KIF26B: variants seen among roughly 807,000 people sequenced by gnomAD.
KIF26B encodes kinesin family member 26B.
Under a neutral mutation model 151.2 loss-of-function variants are expected in KIF26B, and 63 were observed. The ratio of observed to expected loss-of-function variants is 0.42; its 90% confidence interval spans 0.34 to 0.51. The LOEUF (loss-of-function observed/expected upper bound fraction) is 0.51, where lower values mean the gene tolerates loss of function less well. Ranked by LOEUF, KIF26B falls within the 20% of genes least tolerant of loss-of-function variation. The pLI is 0.07. For missense variants in KIF26B, 2,813 were observed against 2,913.6 expected (o/e 0.97, Z 0.79); for synonymous variants, 1,357 against 1,262.1 (o/e 1.08, Z -1.59).
intron 9 of KIF26B, among the ~76,000 whole-genome samples, chr1:245,620,901 A>G (rs1191266785): frequency 1.3e-5 from 2 of 152,304 alleles, no homozygotes; most frequent in South Asian, 4.2e-4. Context: ...TTTTTGGAGC[A>G]AAAGTGCACA....
chr1:245,695,261 C>A (rs1316285489), intron 12 of KIF26B, among the ~76,000 whole-genome samples: 1 of 152,170 alleles, frequency 6.6e-6, no homozygotes, highest in Non-Finnish European at 1.5e-5. Flanking sequence ...AACATCGCTT[C>A]CTGTGCCCTT....
Position 245,429,446 on chromosome 1 carries a change from A to C in KIF26B, c.1166+9701A>C, listed in dbSNP as rs577049799. Among the ~76,000 whole-genome samples, 4 of 152,304 alleles carry C rather than the reference A, an allele frequency of 2.6e-5. No individual in the cohort carries two copies. The South Asian group carries it at 6.2e-4, about 24-fold the overall frequency. ...CCACCTACAGAAGGAGCTGAAGAGC[A>C]ATTCGCCCTTAAATCTCACCTGTTA... On this transcript the variant is annotated intron_variant, in intron 4 of 14. Coordinates refer to ENST00000407071, the MANE Select transcript of KIF26B (RefSeq NM_018012.4).
At chr1:245,328,952 T>C (rs755449079) in intron 2 of KIF26B, among the ~76,000 whole-genome samples, 3 of 152,232 alleles carry the variant, frequency 2.0e-5, no homozygotes, top group Non-Finnish European at 4.4e-5. Flanking sequence ...TTCTTATTAG[T>C]ATATTATAAT....
In KIF26B at chr1:245,435,740, G is replaced by A. The variant is rs145163114; in HGVS notation, c.1166+15995G>A. On this transcript the variant is annotated intron_variant, in intron 4 of 14. Coordinates refer to ENST00000407071, the MANE Select transcript of KIF26B (RefSeq NM_018012.4). ...GTTCCAGTGCACTGTGGAAGTCTCT[G>A]CTCAGGACAGGAGGGATAGCAAGTG... is the stretch of plus-strand genomic sequence containing the variant. Among the ~76,000 whole-genome samples the A allele has an allele frequency of 4.6e-3, 704 of 152,308 alleles. 5 individuals are homozygous for A. Among genetic ancestry groups the A allele is most frequent in the South Asian group, 0.017 (83 of 4,826 alleles).
Position 245,540,824 on chromosome 1 carries a change from T to C in KIF26B, c.1224T>C (p.Ser408=), listed in dbSNP as rs368251584. 26 of 1,613,900 alleles carry C rather than the reference T, an allele frequency of 1.6e-5. No homozygotes were observed. The highest frequency in any genetic ancestry group is 2.1e-5 in the Non-Finnish European group (25 of 1,179,898). Residue 408 remains serine (S), a synonymous_variant, in exon 5 of 15, where the codon TCT becomes TCC. Coordinates refer to ENST00000407071, the MANE Select transcript of KIF26B (RefSeq NM_018012.4). The surrounding 1 kb of genome is among the most constrained non-coding windows in gnomAD (Gnocchi z 4.6). ...AGAAGAAACATCGGCCTTCCACTTC[T>C]TCCGCTGCCGAACCACCGCTCTTTG... ...SKKKKHRPST[S]SAAEPPLFAT...
At chr1:245,351,442 A>C (rs1672567448) in intron 2 of KIF26B, among the ~76,000 whole-genome samples, 1 of 152,054 alleles carries the variant, frequency 6.6e-6, no homozygotes, top group African/African-American at 2.4e-5. Flanking sequence ...AAACTCAGCT[A>C]TGCCTTTTCC....
intron 2 of KIF26B, among the ~76,000 whole-genome samples, chr1:245,305,291 A>G (rs12409508): frequency 0.017 from 2,612 of 152,342 alleles, 275 homozygotes; most frequent in Admixed American, 0.16. Flanking sequence ...GGTACCATCC[A>G]GAAAATGACA....
intron 12 of KIF26B, among the ~76,000 whole-genome samples, chr1:245,694,225 G>A (rs1049836668): frequency 2.0e-5 from 3 of 152,210 alleles, no homozygotes; most frequent in African/African-American, 4.8e-5. Flanking sequence ...AGCCAGCATC[G>A]TTCTTCATCA....
In KIF26B at chr1:245,373,100, T is replaced by G. The variant is rs554983827; in HGVS notation, c.999+5733T>G. ...CTTCTTTTGTTCAGAGTTTTCTAAA[T>G]CCTAGTTTGATCTCTTTTGCTAAAT... On this transcript the variant is annotated intron_variant, in intron 3 of 14. Coordinates refer to ENST00000407071, the MANE Select transcript of KIF26B (RefSeq NM_018012.4). 2.0e-5 allele frequency among the ~76,000 whole-genome samples: 3 copies of G among 152,350 alleles called. No individual in the cohort carries two copies. In the South Asian group the frequency reaches 6.2e-4, roughly 32 times the overall value.
chr1:245,607,531 A>G (rs1249016163), intron 6 of KIF26B, 120 bp from the exon 7 acceptor site: 1 of 750,250 alleles, frequency 1.3e-6, no homozygotes. Context: ...AGGCCAACCC[A>G]CCTGGGAACA....
intron 10 of KIF26B, among the ~76,000 whole-genome samples, chr1:245,679,133 C>T (rs968523517): frequency 1.3e-5 from 2 of 152,018 alleles, no homozygotes; most frequent in African/African-American, 2.4e-5. Flanking sequence ...GCTTTGTGGG[C>T]GACACAGGCT....
intron 8 of KIF26B, among the ~76,000 whole-genome samples, chr1:245,610,237 G>A (rs2043504848): frequency 6.6e-6 from 1 of 152,142 alleles, no homozygotes; most frequent in African/African-American, 2.4e-5. Context: ...CTTCCCAACT[G>A]GGATTGTTTG....
chr1:245,348,845 C>G (rs917893454), intron 2 of KIF26B, among the ~76,000 whole-genome samples: 1 of 152,206 alleles, frequency 6.6e-6, no homozygotes, highest in Non-Finnish European at 1.5e-5. Context: ...GCCTGCTCCC[C>G]TGCCTGGGTC....
chr1:245,535,106 A>G (rs1661461921), intron 4 of KIF26B, among the ~76,000 whole-genome samples: 1 of 152,056 alleles, frequency 6.6e-6, no homozygotes, highest in Non-Finnish European at 1.5e-5. Context: ...CAATTCTCTC[A>G]TGACTGCCTC....
At chr1:245,579,678 C>T (rs1282124960) in intron 5 of KIF26B, among the ~76,000 whole-genome samples, 1 of 151,626 alleles carries the variant, frequency 6.6e-6, no homozygotes, top group South Asian at 2.1e-4. Flanking sequence ...AACAAACAAA[C>T]AAACAAACAA....
intron 2 of KIF26B, among the ~76,000 whole-genome samples, chr1:245,283,978 G>A (rs1402977756): frequency 1.3e-5 from 2 of 152,140 alleles, no homozygotes; most frequent in Admixed American, 6.5e-5. Flanking sequence ...GAGCCGCTGC[G>A]CACCGCAGCT....
intron 2 of KIF26B, among the ~76,000 whole-genome samples, chr1:245,361,402 T>A (rs1672815870): frequency 6.6e-6 from 1 of 152,254 alleles, no homozygotes; most frequent in Non-Finnish European, 1.5e-5. Flanking sequence ...AGTGTTTTTT[T>A]CTTTTTTTGT....
At chr1:245,292,556 G>A (rs1671272798) in intron 2 of KIF26B, among the ~76,000 whole-genome samples, 1 of 152,118 alleles carries the variant, frequency 6.6e-6, no homozygotes, top group South Asian at 2.1e-4. Flanking sequence ...CCCCCATTGG[G>A]TACTATTTTA....
At chr1:245,605,362 G>A (rs565606616) in intron 6 of KIF26B, among the ~76,000 whole-genome samples, 11 of 152,328 alleles carry the variant, frequency 7.2e-5, no homozygotes, top group African/African-American at 2.2e-4. Flanking sequence ...GGGAGTGTGC[G>A]GAGTGGGCCT....
Sources: allele counts gnomAD v4.1 joint callset (sites outside exome capture counted in the v4.1 genomes callset), GRCh38; gene constraint gnomAD v4.1.1; non-coding constraint Gnocchi (gnomAD v3.1); transcripts MANE v1.5; gene names NCBI Gene and HGNC (gene_info 2026-07-23, HGNC 2026-07-21).